CHST8: variants seen among roughly 807,000 people sequenced by gnomAD.
The protein encoded by CHST8 is GALNAC-4-ST1.
A neutral mutation model predicts 15.0 loss-of-function variants in CHST8; 10 were observed. That is an observed-to-expected ratio of 0.67 (90% confidence interval 0.41 to 1.13). The LOEUF (loss-of-function observed/expected upper bound fraction) is 1.13. CHST8 is among the 50% of genes most tolerant of loss of function. The probability of loss-of-function intolerance (pLI) is 0.00; values close to 1 mark genes in which losing one functional copy is unlikely to be tolerated. For synonymous variants in CHST8, 259 were observed against 256.6 expected (o/e 1.01, Z -0.09); for missense variants, 634 against 608.2 (o/e 1.04, Z -0.45).
At chr19:33,658,909 T>G (rs1239037185) in intron 1 of CHST8, among the ~76,000 whole-genome samples, 1 of 151,778 alleles carries the variant, frequency 6.6e-6, no homozygotes, top group Non-Finnish European at 1.5e-5. Context: ...ATTTATTCAT[T>G]TAAACATTTA....
At chr19:33,643,695 G>T (rs949543382) in intron 1 of CHST8, among the ~76,000 whole-genome samples, 1 of 152,116 alleles carries the variant, frequency 6.6e-6, no homozygotes, top group African/African-American at 2.4e-5. Flanking sequence ...CAGCACCCAC[G>T]ATTTTAATTA....
At chr19:33,756,615 C>A (rs1449068978) in intron 3 of CHST8, among the ~76,000 whole-genome samples, 2 of 152,170 alleles carry the variant, frequency 1.3e-5, no homozygotes, top group East Asian at 3.9e-4. Flanking sequence ...CCTGACTCAC[C>A]AAACCCTCTA....
chr19:33,758,929 G>T lies in CHST8; in HGVS notation c.131-12484G>T, dbSNP rs1049520681. Among the ~76,000 whole-genome samples, 7 of 152,262 alleles carry T rather than the reference G, an allele frequency of 4.6e-5. No homozygotes were observed. In the East Asian group the frequency reaches 1.4e-3, roughly 29 times the overall value. On this transcript the variant is annotated intron_variant, in intron 3 of 4. Coordinates refer to ENST00000650847, the MANE Select transcript of CHST8 (RefSeq NM_001127895.2). ...ATCCACTTGGTTTCTTGGCGGGGGG[G>T]GGCGGTGCTCAAAGAGCTTTTACTC... is the stretch of plus-strand genomic sequence containing the variant.
At chr19:33,645,927 G>GACT (rs1024263845) in intron 1 of CHST8, among the ~76,000 whole-genome samples, 10 of 152,202 alleles carry the variant, frequency 6.6e-5, no homozygotes, top group African/African-American at 2.4e-4. Context: ...AGGAGTTCAA[G>GACT]ACTAGCCTGG....
intron 3 of CHST8, among the ~76,000 whole-genome samples, chr19:33,765,184 CA>C (rs1189696150): frequency 6.6e-6 from 1 of 151,408 alleles, no homozygotes; most frequent in Non-Finnish European, 1.5e-5. Context: ...CACACGTGTG[CA>C]ACAGCTGTGT....
chr19:33,762,559 C>T (rs1159363755), intron 3 of CHST8, among the ~76,000 whole-genome samples: 1 of 152,248 alleles, frequency 6.6e-6, no homozygotes, highest in East Asian at 1.9e-4. Flanking sequence ...AGGCTCCGCT[C>T]CTCTGCAGAT....
At chr19:33,644,559 A>G (rs1383938381) in intron 1 of CHST8, among the ~76,000 whole-genome samples, 1 of 151,368 alleles carries the variant, frequency 6.6e-6, no homozygotes, top group Non-Finnish European at 1.5e-5. Context: ...ACATAGCAAG[A>G]CTCCGTCTCT....
chr19:33,773,067 G>T lies in CHST8; in HGVS notation c.*4G>T. 1 of 1,584,518 alleles carries T rather than the reference G, an allele frequency of 6.3e-7. No individual in the cohort carries two copies. The highest frequency in any genetic ancestry group is 8.6e-7 in the Non-Finnish European group (1 of 1,167,190). ...GCCCTTTGCAGATCTGTACTGAGGG[G>T]CGCCGCAGCTGGCCGGGGCCGCCCT... is the stretch of plus-strand genomic sequence containing the variant. On this transcript the variant is annotated 3_prime_UTR_variant, in exon 5 of 5. Coordinates refer to ENST00000650847, the MANE Select transcript of CHST8 (RefSeq NM_001127895.2).
At chr19:33,756,990 G>A (rs1568357869) in intron 3 of CHST8, among the ~76,000 whole-genome samples, 2 of 152,218 alleles carry the variant, frequency 1.3e-5, no homozygotes, top group African/African-American at 2.4e-5. Flanking sequence ...GGCAGTGGAA[G>A]ACAGGCTGTC....
intron 1 of CHST8, among the ~76,000 whole-genome samples, chr19:33,649,654 T>C (rs1457326711): frequency 6.6e-6 from 1 of 152,218 alleles, no homozygotes; most frequent in Non-Finnish European, 1.5e-5. Context: ...TAGCAGACTT[T>C]GCATATAAAT....
chr19:33,689,774 C>T (rs1973062639), intron 3 of CHST8, among the ~76,000 whole-genome samples: 1 of 152,234 alleles, frequency 6.6e-6, no homozygotes, highest in South Asian at 2.1e-4. Flanking sequence ...GCCCCACAAG[C>T]AAGACTCAGT....
intron 3 of CHST8, among the ~76,000 whole-genome samples, chr19:33,737,927 G>C (rs1568349030): frequency 6.6e-6 from 1 of 152,066 alleles, no homozygotes; most frequent in Non-Finnish European, 1.5e-5. Context: ...TCAGCAACAA[G>C]TGGTTGCAGT....
chr19:33,699,172 C>A (rs1973282369), intron 3 of CHST8, among the ~76,000 whole-genome samples: 1 of 152,200 alleles, frequency 6.6e-6, no homozygotes, highest in Non-Finnish European at 1.5e-5. Context: ...TCTGTACATG[C>A]CCATCTGTGT....
chr19:33,715,459 T>G (rs1348531913), intron 3 of CHST8, among the ~76,000 whole-genome samples: 1 of 152,208 alleles, frequency 6.6e-6, no homozygotes, highest in Non-Finnish European at 1.5e-5. Flanking sequence ...GAGAGACAAC[T>G]TGATAGGATA....
intron 3 of CHST8, among the ~76,000 whole-genome samples, chr19:33,724,291 G>A (rs1973852925): frequency 6.6e-6 from 1 of 152,110 alleles, no homozygotes; most frequent in Non-Finnish European, 1.5e-5. Context: ...GTGGGGCCTG[G>A]GACCTCCACC....
intron 3 of CHST8, among the ~76,000 whole-genome samples, chr19:33,697,380 C>T (rs772198200): frequency 1.2e-4 from 18 of 151,892 alleles, no homozygotes; most frequent in Admixed American, 2.0e-4. Context: ...CAGGCACCCC[C>T]CTCTTCACAC....
chr19:33,698,906 C>T (rs1212417227), intron 3 of CHST8, among the ~76,000 whole-genome samples: 1 of 152,190 alleles, frequency 6.6e-6, no homozygotes, highest in Non-Finnish European at 1.5e-5. Context: ...CTCATACACC[C>T]CAGGCCTGGA....
Position 33,771,437 on chromosome 19 carries a change from G to T in CHST8, c.155G>T (p.Arg52Met). 1 of 1,614,146 alleles carries T rather than the reference G, an allele frequency of 6.2e-7. No homozygotes were observed. The highest frequency in any genetic ancestry group is 1.1e-5 in the South Asian group (1 of 91,078). ...GGAATAAAGTTCAACATCAGGCCAA[G>T]GCAGCCCCACCACGTAAGTTCTGAG... ...VPGIKFNIRP[R>M]QPHHDLPPGG... Residue 52 changes from arginine to methionine, a missense_variant, in exon 4 of 5, where the codon AGG becomes ATG. Physicochemically the swap from Arg to Met is moderately conservative, Grantham distance 91. Coordinates refer to ENST00000650847, the MANE Select transcript of CHST8 (RefSeq NM_001127895.2).
intron 3 of CHST8, among the ~76,000 whole-genome samples, chr19:33,760,609 G>A (rs1044891308): frequency 6.6e-6 from 1 of 151,952 alleles, no homozygotes; most frequent in Non-Finnish European, 1.5e-5. Flanking sequence ...GTAAACCACT[G>A]TACCTGGCCC....
Sources: gnomAD v4.1 joint callset for allele counts (sites outside exome capture counted in the v4.1 genomes callset) on GRCh38, gnomAD v4.1.1 for gene constraint, MANE v1.5 for transcripts, NCBI Gene and HGNC (gene_info 2026-07-23, HGNC 2026-07-21) for gene names.